Variants in GRB10 observed in about 807,000 individuals in gnomAD.
The protein encoded by GRB10 is growth factor receptor bound protein 10.
In GRB10, 20 loss-of-function variants were observed where a neutral mutation model predicts 80.9. The ratio of observed to expected loss-of-function variants is 0.25; its 90% CI spans 0.17 to 0.36. The LOEUF (loss-of-function observed/expected upper bound fraction) is 0.36. Among genes scored for constraint, GRB10 ranks in the 10% least tolerant of loss-of-function variants. GRB10 has a pLI of 1.00. For synonymous variants in GRB10, 291 were observed against 291.5 expected, an observed-to-expected ratio of 1.00 and a Z score of 0.02; for missense variants, 548 against 747.7, an observed-to-expected ratio of 0.73 and a Z score of 3.12.
At chr7:50,742,068 T>G (rs920280819) in intron 3 of GRB10, among the ~76,000 whole-genome samples, 17 of 149,314 alleles carry the variant, frequency 1.1e-4, no homozygotes, top group African/African-American at 4.2e-4. Flanking sequence ...ATATAAACAG[T>G]GAAGATGAAA....
intron 7 of GRB10, among the ~76,000 whole-genome samples, chr7:50,632,251 A>G (rs1229536046): frequency 1.3e-5 from 2 of 152,252 alleles, no homozygotes; most frequent in Non-Finnish European, 2.9e-5. Context: ...GAGAACACGC[A>G]TAATAATCCT....
intron 18 of GRB10, among the ~76,000 whole-genome samples, 184 bp from the exon 19 acceptor site, chr7:50,593,282 C>T (rs976130147): frequency 2.0e-5 from 3 of 152,114 alleles, no homozygotes; most frequent in African/African-American, 7.2e-5. Flanking sequence ...CTGGGGGCTG[C>T]CATGTCCCTG....
At position 50,749,104 on chromosome 7, in the gene GRB10, G is replaced by A. The variant is rs887987232; in HGVS notation, c.-47+6783C>T. Among the ~76,000 whole-genome samples, 6 of 136,108 alleles carry A rather than the reference G, an allele frequency of 4.4e-5. No individual in the cohort carries two copies. In the Admixed American group the frequency reaches 4.6e-4, roughly 10 times the overall value. 89.3% of individuals were successfully genotyped at this position (136,108 alleles called of 152,430 possible). A position where few individuals can be genotyped will look rare whatever the true frequency, so the allele number is the denominator to read the frequency against. On this transcript the variant is annotated intron_variant, in intron 3 of 18. Transcript: ENST00000401949. Reference sequence around the variant, plus strand: ...TAGTCAATTCTATATAAAATGTTGGGTTTTTTTGTTTTGTTTTGTTTTTTT... The same window carrying A: ...TAGTCAATTCTATATAAAATGTTGGATTTTTTTGTTTTGTTTTGTTTTTTT...
intron 5 of GRB10, among the ~76,000 whole-genome samples, chr7:50,697,194 A>G (rs74784300): frequency 0.012 from 1,769 of 152,336 alleles, 11 homozygotes; most frequent in Non-Finnish European, 0.018. Context: ...TTGGGGTGAT[A>G]AGAGTTTTGG....
At position 50,608,181 on chromosome 7, in the gene GRB10, A is replaced by C. The variant is rs2048873175; in HGVS notation, c.1195-1767T>G. ...CCGCTCCGAGCATATATCATGGAAA[A>C]ATTGCTGAGAAACAGACACAAAGAA... is the stretch of plus-strand genomic sequence containing the variant. On this transcript the variant is annotated intron_variant, in intron 13 of 18. Coordinates refer to ENST00000401949, the MANE Select transcript of GRB10 (RefSeq NM_001350814.2). Among the ~76,000 whole-genome samples the C allele has an allele frequency of 2.6e-5, 4 of 152,230 alleles. No homozygotes were observed. In the South Asian group the frequency reaches 8.3e-4, roughly 32 times the overall value.
At chr7:50,625,002 G>A (rs1299815097) in intron 8 of GRB10, among the ~76,000 whole-genome samples, 1 of 151,970 alleles carries the variant, frequency 6.6e-6, no homozygotes, top group African/African-American at 2.4e-5. Context: ...AATAAGGTAT[G>A]TAAATATCAC....
At position 50,649,508 on chromosome 7, in the gene GRB10, G is replaced by A. The variant is rs553236760; in HGVS notation, c.504+20214C>T. The stretch of plus-strand genomic sequence containing the variant: ...GCTAGAACACAGTGACGACACACAC[G>A]GGGGAGGGAATGGAGAACGGGACTG... On this transcript the variant is annotated intron_variant, in intron 7 of 18. Transcript: ENST00000401949. Among the ~76,000 whole-genome samples, 10 of 152,330 alleles carry A rather than the reference G, an allele frequency of 6.6e-5. No individual in the cohort carries two copies. In the South Asian group the frequency reaches 1.2e-3, roughly 19 times the overall value.
intron 4 of GRB10, among the ~76,000 whole-genome samples, chr7:50,713,586 C>T (rs1228752870): frequency 7.5e-6 from 1 of 133,568 alleles, no homozygotes; most frequent in Non-Finnish European, 1.6e-5. Context: ...TCCTCACCTC[C>T]ACCTCCTCTA....
intron 7 of GRB10, among the ~76,000 whole-genome samples, chr7:50,649,488 A>AACACAGTG (rs1440781870): frequency 6.6e-6 from 1 of 152,230 alleles, no homozygotes; most frequent in East Asian, 1.9e-4. Context: ...GGGCAGCTAG[A>AACACAGTG]ACACAGTGAC....
rs2078387317 is a variant in GRB10 at position 50,782,401 on chromosome 7, C to T, written c.-327+23G>A. 6.7e-6 allele frequency: 1 copy of T among 148,380 alleles called. No homozygotes were observed. Among genetic ancestry groups the T allele is most frequent in the South Asian group, 2.0e-4 (1 of 5,024 alleles). The allele number at this position is 148,380 out of a possible 1,614,324, so 9.2% of individuals were successfully genotyped here. ...CGCCCACCGCCCACCGCCCAGCGCC[C>T]GCGGCGGAGCCCACCTGAGTACCTG... On this transcript the variant is annotated intron_variant, in intron 1 of 18. Transcript: ENST00000401949. This position sits in a 1 kb window ranked among gnomAD's most constrained non-coding sequence, Gnocchi z 6.6.
intron 5 of GRB10, among the ~76,000 whole-genome samples, chr7:50,684,163 C>A (rs1028740654): frequency 6.6e-6 from 1 of 151,670 alleles, no homozygotes; most frequent in African/African-American, 2.4e-5. Context: ...CAGCCCCTCA[C>A]CCATTTCCCC....
At chr7:50,737,568 G>A (rs2071014282) in intron 3 of GRB10, among the ~76,000 whole-genome samples, 1 of 152,234 alleles carries the variant, frequency 6.6e-6, no homozygotes, top group African/African-American at 2.4e-5. Context: ...AACAGACTAG[G>A]CCGGGCGTGG....
intron 2 of GRB10, among the ~76,000 whole-genome samples, chr7:50,773,347 G>C (rs1408485312): frequency 6.7e-6 from 1 of 148,870 alleles, no homozygotes; most frequent in Non-Finnish European, 1.5e-5. Context: ...GGAAGGGGAA[G>C]GGGAAGAAAG....
At chr7:50,741,660 A>G (rs2071774171) in intron 3 of GRB10, among the ~76,000 whole-genome samples, 1 of 152,200 alleles carries the variant, frequency 6.6e-6, no homozygotes, top group Non-Finnish European at 1.5e-5. Context: ...GTCCTAGACA[A>G]TTAGGACAAT....
intron 1 of GRB10, chr7:50,792,351 T>C (rs568024972): frequency 2.5e-6 from 1 of 392,770 alleles, no homozygotes; most frequent in African/African-American, 2.1e-5. Flanking sequence ...CTCTCTTACA[T>C]TACCCAACGT....
chr7:50,616,701 T>C (rs1392086676), intron 10 of GRB10, among the ~76,000 whole-genome samples: 1 of 152,148 alleles, frequency 6.6e-6, no homozygotes, highest in Non-Finnish European at 1.5e-5. Context: ...AGTGAGTATG[T>C]AGTGGCCACT....
chr7:50,628,503 C>T (rs1215939761), intron 7 of GRB10, among the ~76,000 whole-genome samples: 2 of 152,084 alleles, frequency 1.3e-5, no homozygotes, highest in African/African-American at 2.4e-5. Context: ...CAGCTAGCTA[C>T]CCTCAGCTGT....
At chr7:50,629,238 C>T (rs1362205690) in intron 7 of GRB10, among the ~76,000 whole-genome samples, 2 of 152,166 alleles carry the variant, frequency 1.3e-5, no homozygotes. Context: ...TTGTTCAAAT[C>T]AGCCATGCCA....
In GRB10 at chr7:50,681,702, G is replaced by A. The variant is rs188039166; in HGVS notation, c.140-7044C>T. ...ACTGCCTGGGCATCTGAGTGTATTT[G>A]AGTTTATGGGGCTCCTTCAAAATGC... On this transcript the variant is annotated intron_variant, in intron 5 of 18. Coordinates refer to ENST00000401949, the MANE Select transcript of GRB10 (RefSeq NM_001350814.2). Among the ~76,000 whole-genome samples, 9 of 152,364 alleles carry A rather than the reference G, an allele frequency of 5.9e-5. No individual in the cohort carries two copies. The East Asian group carries it at 1.5e-3, about 26-fold the overall frequency.
Sources: gnomAD v4.1 joint callset for allele counts (sites outside exome capture counted in the v4.1 genomes callset) on GRCh38, gnomAD v4.1.1 for gene constraint, Gnocchi (gnomAD v3.1) non-coding constraint, MANE v1.5 for transcripts, NCBI Gene and HGNC (gene_info 2026-07-23, HGNC 2026-07-21) for gene names.